The following MGAT4C variants were observed in gnomAD, a reference collection of about 807,000 sequenced individuals.
MGAT4C encodes MGAT4 family member C, also known as alpha-1,3-mannosyl-glycoprotein 4-beta-N-acetylglucosaminyltransferase C.
Under a neutral mutation model 40.1 loss-of-function variants are expected in MGAT4C, and 19 were observed. That is an observed-to-expected ratio of 0.47 (90% CI 0.33 to 0.70). The LOEUF (loss-of-function observed/expected upper bound fraction) is 0.70, where lower values mean the gene tolerates loss of function less well. MGAT4C is among the 30% of genes least tolerant of loss of function. MGAT4C has a pLI of 0.02. For synonymous variants in MGAT4C, 181 were observed against 187.1 expected (o/e 0.97, Z 0.27); for missense variants, 491 against 563.2 (o/e 0.87, Z 1.30).
intron 1 of MGAT4C, among the ~76,000 whole-genome samples, chr12:86,803,463 T>A (rs1025894088): frequency 2.0e-5 from 3 of 151,862 alleles, no homozygotes; most frequent in African/African-American, 2.4e-5. Context: ...GAAACTACCA[T>A]CAGAGTGAAC....
chr12:86,479,943 T>G (rs536961017), intron 2 of MGAT4C, among the ~76,000 whole-genome samples: 1 of 152,016 alleles, frequency 6.6e-6, no homozygotes, highest in East Asian at 1.9e-4. Context: ...ATTATTATCA[T>G]TAACTTTGGA....
intron 2 of MGAT4C, among the ~76,000 whole-genome samples, chr12:86,559,113 A>C (rs1482670039): frequency 6.6e-6 from 1 of 151,954 alleles, no homozygotes; most frequent in Non-Finnish European, 1.5e-5. Context: ...ATCATATAAT[A>C]ATAATGGAAT....
intron 2 of MGAT4C, among the ~76,000 whole-genome samples, chr12:86,543,510 G>A (rs1959178397): frequency 6.6e-6 from 1 of 151,762 alleles, no homozygotes; most frequent in Admixed American, 6.6e-5. Flanking sequence ...AAATAGAAGT[G>A]TTGGAATTAC....
intron 2 of MGAT4C, among the ~76,000 whole-genome samples, chr12:86,626,613 C>G (rs1456643619): frequency 6.6e-6 from 1 of 152,078 alleles, no homozygotes; most frequent in Non-Finnish European, 1.5e-5. Flanking sequence ...TTTATTTAGG[C>G]AAATTTTTGA....
intron 1 of MGAT4C, among the ~76,000 whole-genome samples, chr12:86,099,656 C>G (rs1874598157): frequency 1.3e-5 from 2 of 151,182 alleles, no homozygotes; most frequent in South Asian, 4.2e-4. Context: ...AGTAAGAAAT[C>G]AGTTAAAAGG....
intron 1 of MGAT4C, among the ~76,000 whole-genome samples, chr12:86,238,771 C>T (rs1951655679): frequency 1.3e-5 from 2 of 151,964 alleles, no homozygotes; most frequent in South Asian, 2.1e-4. Flanking sequence ...GAATAAGCAG[C>T]TAAGGCTCTC....
intron 2 of MGAT4C, among the ~76,000 whole-genome samples, chr12:86,642,765 T>G (rs1963427816): frequency 6.6e-6 from 1 of 151,602 alleles, no homozygotes; most frequent in Non-Finnish European, 1.5e-5. Context: ...AATATATATT[T>G]TTATGTTTTT....
At chr12:86,437,238 G>A (rs1041050910) in intron 2 of MGAT4C, among the ~76,000 whole-genome samples, 1 of 151,682 alleles carries the variant, frequency 6.6e-6, no homozygotes, top group Non-Finnish European at 1.5e-5. Context: ...TTTAGAAGAA[G>A]ATTGTAGACA....
intron 2 of MGAT4C, among the ~76,000 whole-genome samples, chr12:86,613,243 T>C (rs976183062): frequency 6.6e-6 from 1 of 152,156 alleles, no homozygotes; most frequent in Non-Finnish European, 1.5e-5. Context: ...TTTAAAAAAA[T>C]AGCAAAGTGA....
At chr12:86,381,798 T>C (rs1029538121) in intron 3 of MGAT4C, among the ~76,000 whole-genome samples, 4 of 152,146 alleles carry the variant, frequency 2.6e-5, no homozygotes, top group African/African-American at 7.2e-5. Flanking sequence ...TGGGAGGTAA[T>C]TGAGTCACGG....
intron 2 of MGAT4C, among the ~76,000 whole-genome samples, chr12:86,003,832 A>C (rs1189338211): frequency 6.6e-6 from 1 of 152,102 alleles, no homozygotes; most frequent in East Asian, 1.9e-4. Flanking sequence ...TCTGTGGAAA[A>C]TGCCAGTTTT....
At chr12:86,344,823 GA>G (rs1954992207) in intron 3 of MGAT4C, among the ~76,000 whole-genome samples, 1 of 150,370 alleles carries the variant, frequency 6.7e-6, no homozygotes. Context: ...TTCTCTAGAG[GA>G]AGCTGTTGCC....
intron 2 of MGAT4C, among the ~76,000 whole-genome samples, chr12:86,714,519 A>C (rs941608163): frequency 1.3e-5 from 2 of 151,996 alleles, no homozygotes; most frequent in African/African-American, 4.8e-5. Context: ...GTGGTAGTGA[A>C]TAGGTCTCAC....
At chr12:86,624,590 C>G (rs1324840038) in intron 2 of MGAT4C, among the ~76,000 whole-genome samples, 1 of 152,004 alleles carries the variant, frequency 6.6e-6, no homozygotes, top group African/African-American at 2.4e-5. Context: ...ATGAAAGTCC[C>G]TACACAATCA....
chr12:86,030,522 T>C (rs747417610), intron 2 of MGAT4C, among the ~76,000 whole-genome samples: 2 of 151,798 alleles, frequency 1.3e-5, no homozygotes, highest in Non-Finnish European at 2.9e-5. Context: ...AAAGGTTTAC[T>C]AGTATCAAGC....
intron 4 of MGAT4C, among the ~76,000 whole-genome samples, chr12:86,301,846 C>A (rs974230399): frequency 6.6e-6 from 1 of 152,166 alleles, no homozygotes; most frequent in Non-Finnish European, 1.5e-5. Context: ...ATTTTGCAGA[C>A]AAAATGTACA....
chr12:86,180,300 G>T (rs998832965), intron 1 of MGAT4C, among the ~76,000 whole-genome samples: 1 of 152,204 alleles, frequency 6.6e-6, no homozygotes, highest in African/African-American at 2.4e-5. Context: ...TGCAGTGGTG[G>T]GGCCCTCATG....
At position 85,966,737 on chromosome 12, in the gene MGAT4C, A is replaced by T. The variant is rs1883386399; in HGVS notation, c.*12552T>A. The T allele has an allele frequency of 2.0e-5, 3 of 152,158 alleles. No homozygotes were observed. Among genetic ancestry groups the T allele is most frequent in the Non-Finnish European group, 4.4e-5 (3 of 68,040 alleles). The allele number at this position is 152,158 out of a possible 1,614,324, so 9.4% of individuals were successfully genotyped here. A position where few individuals can be genotyped will look rare whatever the true frequency, so the allele number is the denominator to read the frequency against. ...TGCAGCCATAAAAAATGATGAGTTC[A>T]TGTCCTTTGTAGGGACATGGATGAA... On this transcript the variant is annotated 3_prime_UTR_variant, in exon 5 of 5. Transcript: ENST00000611864.
At chr12:86,296,262 T>C (rs1037509657) in intron 4 of MGAT4C, among the ~76,000 whole-genome samples, 1 of 151,510 alleles carries the variant, frequency 6.6e-6, no homozygotes, top group Non-Finnish European at 1.5e-5. Context: ...AGGGTGCTGA[T>C]TGGTGTATTT....
Sources: allele counts gnomAD v4.1 joint callset (sites outside exome capture counted in the v4.1 genomes callset), GRCh38; gene constraint gnomAD v4.1.1; transcripts MANE v1.5; gene names NCBI Gene and HGNC (gene_info 2026-07-23, HGNC 2026-07-21).